ZNF589: variants seen among roughly 807,000 people sequenced by gnomAD.
ZNF589 encodes the protein KRAB-zinc finger protein SZF1-1.
In ZNF589, 17 loss-of-function variants were observed where a neutral mutation model predicts 13.6. The ratio of observed to expected loss-of-function variants is 1.25; its 90% CI spans 0.86 to 1.88. ZNF589 has a LOEUF of 1.88. Among genes scored for constraint, ZNF589 ranks in the 40% most tolerant of loss-of-function variants. The pLI is 0.00. For synonymous variants in ZNF589, 148 were observed against 161.6 expected (o/e 0.92, Z 0.64); for missense variants, 407 against 434.0 (o/e 0.94, Z 0.55).
In ZNF589 at chr3:48,268,488, A is replaced by C; in HGVS notation, c.797A>C (p.His266Pro). The part of the protein sequence containing the change: ...GFSRKSQLII[H>P]QRTHTGEKPY... Reference sequence around the variant, plus strand: ...AGCAGGAAGTCACAGCTCATCATACACCAGAGGACACACACAGGAGAAAAG... The same window carrying C: ...AGCAGGAAGTCACAGCTCATCATACCCCAGAGGACACACACAGGAGAAAAG... Residue 266 changes from histidine (H) to proline (P), a missense_variant, in exon 4 of 4, where the codon CAC (histidine) becomes CCC (proline). Coordinates refer to ENST00000354698, the MANE Select transcript of ZNF589 (RefSeq NM_016089.3). 6.2e-7 allele frequency: 1 copy of C among 1,614,120 alleles called. No individual in the cohort carries two copies. The highest frequency in any genetic ancestry group is 1.1e-5 in the South Asian group (1 of 91,076).
intron 1 of ZNF589, among the ~76,000 whole-genome samples, chr3:48,241,982 T>C (rs2033703790): frequency 6.6e-6 from 1 of 152,010 alleles, no homozygotes; most frequent in Non-Finnish European, 1.5e-5. Context: ...ACCCCGGCTG[T>C]TGTATTTTTA....
intron 2 of ZNF589, among the ~76,000 whole-genome samples, chr3:48,258,335 CTA>C (rs1438791515): frequency 6.6e-6 from 1 of 152,082 alleles, no homozygotes; most frequent in Admixed American, 6.5e-5. Context: ...CGTTGTTAAT[CTA>C]TATGAATACG....
intron 3 of ZNF589, among the ~76,000 whole-genome samples, chr3:48,266,479 A>G (rs2034019775): frequency 6.6e-6 from 1 of 152,236 alleles, no homozygotes; most frequent in Non-Finnish European, 1.5e-5. Flanking sequence ...GGAATCATAG[A>G]GTGCTGCCCT....
intron 2 of ZNF589, among the ~76,000 whole-genome samples, chr3:48,248,659 A>T (rs2033798041): frequency 6.6e-6 from 1 of 152,178 alleles, no homozygotes; most frequent in Non-Finnish European, 1.5e-5. Context: ...CACTGTCCTT[A>T]TTCTCAAAGA....
intron 2 of ZNF589, among the ~76,000 whole-genome samples, chr3:48,257,254 G>T (rs2033914055): frequency 1.4e-5 from 2 of 139,182 alleles, no homozygotes; most frequent in South Asian, 4.2e-4. Flanking sequence ...TTTTGTTTTT[G>T]TTTTGTTTTT....
intron 2 of ZNF589, among the ~76,000 whole-genome samples, chr3:48,259,878 C>T (rs940469798): frequency 6.7e-6 from 1 of 148,398 alleles, no homozygotes; most frequent in Non-Finnish European, 1.5e-5. Flanking sequence ...AAGATCACGC[C>T]ACTGCAGTTC....
At chr3:48,255,526 G>C (rs1465420800) in intron 2 of ZNF589, among the ~76,000 whole-genome samples, 1 of 110,408 alleles carries the variant, frequency 9.1e-6, no homozygotes, top group Non-Finnish European at 1.7e-5. Flanking sequence ...ACAAAGTCTC[G>C]CTCTTTCTCC....
Position 48,268,275 on chromosome 3 carries a change from C to T in ZNF589, c.584C>T (p.Ala195Val). 1.2e-6 allele frequency: 2 copies of T among 1,611,218 alleles called. No homozygotes were observed. Among genetic ancestry groups the T allele is most frequent in the Non-Finnish European group, 1.7e-6 (2 of 1,178,288 alleles). ...LEIQLSPAQN[A>V]SSEEVDRISK... ...ATACAGCTCAGTCCAGCCCAGAATGCAAGCTCTGAGGAAGTAGACAGAATT... is the reference window on the plus strand; with the variant it reads ...ATACAGCTCAGTCCAGCCCAGAATGTAAGCTCTGAGGAAGTAGACAGAATT... Residue 195 changes from alanine (A) to valine (V), a missense_variant, in exon 4 of 4, where the codon GCA becomes GTA. Transcript: ENST00000354698.
In ZNF589 at chr3:48,268,166, A is replaced by G. The variant is rs761529479; in HGVS notation, c.475A>G (p.Asn159Asp). 41 of 1,613,088 alleles carry G rather than the reference A, an allele frequency of 2.5e-5. No individual in the cohort carries two copies. The highest frequency in any genetic ancestry group is 2.2e-4 in the Admixed American group (13 of 59,912). ...GGVRPLFWST[N>D]ERGALVGFSS... The stretch of plus-strand genomic sequence containing the variant: ...CGTCAGACCCTTGTTTTGGAGTACA[A>G]ATGAAAGGGGGGCTTTAGTGGGTTT... Residue 159 changes from asparagine (N) to aspartate (D), a missense_variant, in exon 4 of 4, where the codon AAT becomes GAT. By Grantham distance (23) the Asn-to-Asp change is conservative (BLOSUM62 1). Transcript: ENST00000354698.
chr3:48,247,270 G>A (rs572645250), intron 1 of ZNF589, among the ~76,000 whole-genome samples: 5 of 151,652 alleles, frequency 3.3e-5, no homozygotes, highest in Admixed American at 6.6e-5. Context: ...CACTGTGCTC[G>A]GTCCATTTTC....
chr3:48,245,281 AT>A (rs886757366), intron 1 of ZNF589, among the ~76,000 whole-genome samples: 1 of 151,834 alleles, frequency 6.6e-6, no homozygotes, highest in African/African-American at 2.4e-5. Flanking sequence ...CGCCCGGCTA[AT>A]TTTTTTATTT....
At chr3:48,264,482 A>C (rs1467560844) in intron 3 of ZNF589, among the ~76,000 whole-genome samples, 1 of 151,866 alleles carries the variant, frequency 6.6e-6, no homozygotes, top group Non-Finnish European at 1.5e-5. Context: ...GCAATGAGGC[A>C]AGATCGCACC....
In ZNF589 at chr3:48,269,330, C is replaced by T. The variant is rs982288475; in HGVS notation, c.*544C>T. 23 of 1,287,614 alleles carry T rather than the reference C, an allele frequency of 1.8e-5. No homozygotes were observed. The East Asian group carries it at 3.3e-4, about 19-fold the overall frequency. The allele number at this position is 1,287,614 out of a possible 1,614,324, so 79.8% of individuals were successfully genotyped here. ...AGCTCAGTCAACCCTCCACTACCAC[C>T]GGAGTACACACTCCAAGGAAAAACC... On this transcript the variant is annotated 3_prime_UTR_variant, in exon 4 of 4. Transcript: ENST00000354698.
At chr3:48,251,350 T>A (rs1285323561) in intron 2 of ZNF589, among the ~76,000 whole-genome samples, 3 of 151,056 alleles carry the variant, frequency 2.0e-5, no homozygotes, top group Admixed American at 6.6e-5. Flanking sequence ...TGAGCTGAGA[T>A]CACACCACTG....
chr3:48,249,587 G>A (rs2033814406), intron 2 of ZNF589, among the ~76,000 whole-genome samples: 1 of 152,120 alleles, frequency 6.6e-6, no homozygotes, highest in Non-Finnish European at 1.5e-5. Flanking sequence ...CACTTCTATA[G>A]CTATTCGTTA....
Position 48,269,779 on chromosome 3 carries a change from G to C in ZNF589, c.*993G>C, listed in dbSNP as rs751477058. Reference sequence around the variant, plus strand: ...AAATGCTTAGGGAGAAGCCTTGTTTGTAAGGTAATGTGGACAGAGCTGTAC... The same window carrying C: ...AAATGCTTAGGGAGAAGCCTTGTTTCTAAGGTAATGTGGACAGAGCTGTAC... On this transcript the variant is annotated 3_prime_UTR_variant, in exon 4 of 4. Transcript: ENST00000354698. 3 of 343,446 alleles carry C rather than the reference G, an allele frequency of 8.7e-6. No individual in the cohort carries two copies. The highest frequency in any genetic ancestry group is 2.1e-5 in the African/African-American group (1 of 46,596). The allele number at this position is 343,446 out of a possible 1,614,324, so 21.3% of individuals were successfully genotyped here.
chr3:48,270,362 C>T lies in ZNF589; in HGVS notation c.*1576C>T. 2.6e-6 allele frequency: 1 copy of T among 387,798 alleles called. No individual in the cohort carries two copies. Among genetic ancestry groups the T allele is most frequent in the African/African-American group, 2.1e-5 (1 of 47,698 alleles). The allele number at this position is 387,798 out of a possible 1,614,324, so 24.0% of individuals were successfully genotyped here. On this transcript the variant is annotated 3_prime_UTR_variant, in exon 4 of 4. Transcript: ENST00000354698. ...CTTCAATGACAGGGATCTAGCAATG[C>T]TGCATCATCAGCCTTCCAATACCAG...
At chr3:48,267,218 A>C (rs1412544873) in intron 3 of ZNF589, among the ~76,000 whole-genome samples, 1 of 152,198 alleles carries the variant, frequency 6.6e-6, no homozygotes, top group Non-Finnish European at 1.5e-5. Flanking sequence ...CCTGTTTTCC[A>C]CAAGTCGGCA....
At chr3:48,245,811 G>A (rs1223113556) in intron 1 of ZNF589, among the ~76,000 whole-genome samples, 4 of 152,046 alleles carry the variant, frequency 2.6e-5, no homozygotes, top group African/African-American at 7.2e-5. Context: ...GCCAGGCATG[G>A]TGGCAGGTGC....
Sources: gnomAD v4.1 joint callset for allele counts (sites outside exome capture counted in the v4.1 genomes callset) on GRCh38, gnomAD v4.1.1 for gene constraint, MANE v1.5 for transcripts, NCBI Gene and HGNC (gene_info 2026-07-23, HGNC 2026-07-21) for gene names.